The following ARFGEF2 variants were observed in gnomAD, a reference collection of about 807,000 sequenced individuals.
The protein encoded by ARFGEF2 is ARF guanine nucleotide exchange factor 2, also known as brefeldin A-inhibited guanine nucleotide-exchange protein 2.
In ARFGEF2, 74 loss-of-function variants were observed where a neutral mutation model predicts 219.9. That is an observed-to-expected ratio of 0.34 (90% confidence interval 0.28 to 0.41). The LOEUF (loss-of-function observed/expected upper bound fraction) is 0.41, where lower values mean the gene tolerates loss of function less well. Ranked by LOEUF, ARFGEF2 falls within the 10% of genes least tolerant of loss-of-function variation. ARFGEF2 has a pLI of 1.00. For synonymous variants in ARFGEF2, 733 were observed against 799.2 expected (o/e 0.92, Z 1.40); for missense variants, 1,743 against 2,218.3 (o/e 0.79, Z 4.30).
At chr20:48,952,195 G>A (rs377447108) in intron 4 of ARFGEF2, among the ~76,000 whole-genome samples, 7 of 113,280 alleles carry the variant, frequency 6.2e-5, no homozygotes, top group East Asian at 6.0e-4. Context: ...TTGCTCTGTC[G>A]CCTAGGCTGG....
chr20:48,966,728 A>G (rs958628333), intron 8 of ARFGEF2, among the ~76,000 whole-genome samples: 17 of 152,078 alleles, frequency 1.1e-4, no homozygotes, highest in African/African-American at 3.4e-4. Flanking sequence ...CTCCAAGAAA[A>G]CTTTGTAGAC....
chr20:49,035,923 A>G lies in ARFGEF2; in HGVS notation c.*2724A>G, dbSNP rs1034815811. The G allele has an allele frequency of 9.0e-5, 33 of 367,632 alleles. No individual in the cohort carries two copies. The highest frequency in any genetic ancestry group is 6.5e-4 in the African/African-American group (31 of 47,998). 22.8% of individuals were successfully genotyped at this position (367,632 alleles called of 1,614,324 possible). The stretch of plus-strand genomic sequence containing the variant: ...CCTCATGTACAACCAAAGAACATAC[A>G]TTATGAAAATTGTATTATAATATCT... On this transcript the variant is annotated 3_prime_UTR_variant, in exon 39 of 39. Transcript: ENST00000371917.
At chr20:49,028,766 T>G (rs2091617546) in intron 37 of ARFGEF2, 98 bp downstream of exon 37, 1 of 1,339,510 alleles carries the variant, frequency 7.5e-7, no homozygotes, top group Non-Finnish European at 1.0e-6. Context: ...AAATACATGC[T>G]GACACTCTGA....
intron 22 of ARFGEF2, 143 bp downstream of exon 22, chr20:48,994,741 G>A (rs990015944): frequency 8.9e-6 from 11 of 1,242,026 alleles, no homozygotes; most frequent in Middle Eastern, 2.6e-4. Context: ...AAGTGGACGT[G>A]CTGCTTTGGC....
intron 7 of ARFGEF2, among the ~76,000 whole-genome samples, chr20:48,964,273 C>T (rs745923426): frequency 5.9e-5 from 9 of 152,160 alleles, no homozygotes; most frequent in Admixed American, 1.3e-4. Flanking sequence ...GGCGTGGTGG[C>T]GCACGCCTGT....
At chr20:48,934,201 G>A (rs1568688965) in intron 1 of ARFGEF2, among the ~76,000 whole-genome samples, 1 of 146,824 alleles carries the variant, frequency 6.8e-6, no homozygotes, top group Non-Finnish European at 1.5e-5. Context: ...GCTAATAGAT[G>A]TCTGTGCCAG....
chr20:49,016,413 A>G lies in ARFGEF2; in HGVS notation c.4313A>G (p.Gln1438Arg). The G allele has an allele frequency of 6.2e-7, 1 of 1,612,314 alleles. No individual in the cohort carries two copies. Among genetic ancestry groups the G allele is most frequent in the Non-Finnish European group, 8.5e-7 (1 of 1,179,916 alleles). The change falls in exon 31 of 39, where the codon CAA (glutamine) becomes CGA (arginine). Residue 1438 changes from glutamine to arginine, a missense_variant and splice_region_variant. Physicochemically the swap from Gln to Arg is conservative, Grantham distance 43. Coordinates refer to ENST00000371917, the MANE Select transcript of ARFGEF2 (RefSeq NM_006420.3). ...GCACAATTGCAGTGGTGTGTCAAAC[A>G]AGGTACTCTTTAAGCCTCTAGGCAT... ...VFAQLQWCVK[Q>R]DNEQLARSGT...
At chr20:48,957,658 A>G (rs140989141) in intron 6 of ARFGEF2, among the ~76,000 whole-genome samples, 1 of 152,372 alleles carries the variant, frequency 6.6e-6, no homozygotes, top group East Asian at 1.9e-4. Context: ...GGTTATCACA[A>G]CATCCAGAAA....
chr20:49,027,271 G>C (rs2091609353), intron 36 of ARFGEF2, among the ~76,000 whole-genome samples: 1 of 151,950 alleles, frequency 6.6e-6, no homozygotes, highest in Non-Finnish European at 1.5e-5. Context: ...TTGACCTCAT[G>C]ATCCACCTGC....
intron 28 of ARFGEF2, among the ~76,000 whole-genome samples, chr20:49,012,722 G>A (rs909632039): frequency 1.3e-5 from 2 of 152,036 alleles, no homozygotes; most frequent in African/African-American, 4.8e-5. Context: ...GATGATAATG[G>A]GAGCCAATGT....
At chr20:49,019,216 A>G (rs1342729307) in intron 34 of ARFGEF2, among the ~76,000 whole-genome samples, 4 of 152,212 alleles carry the variant, frequency 2.6e-5, no homozygotes, top group Admixed American at 2.0e-4. Context: ...TCATATACAT[A>G]CATATATAGT....
chr20:48,942,583 C>G (rs2091000261), intron 3 of ARFGEF2, among the ~76,000 whole-genome samples: 1 of 141,034 alleles, frequency 7.1e-6, no homozygotes, highest in East Asian at 2.3e-4. Flanking sequence ...TTCTCGGGTT[C>G]AAGGGATTCT....
chr20:48,997,919 G>A lies in ARFGEF2; in HGVS notation c.3222-274G>A, dbSNP rs185683287. Reference sequence around the variant, plus strand: ...GTTGCCCAGGCTGGAGTGCAGTGGCGCAATCTCGGCTTACTGCAACTTCTG... The same window carrying A: ...GTTGCCCAGGCTGGAGTGCAGTGGCACAATCTCGGCTTACTGCAACTTCTG... On this transcript the variant is annotated intron_variant, in intron 23 of 38. Coordinates refer to ENST00000371917, the MANE Select transcript of ARFGEF2 (RefSeq NM_006420.3). 2.7e-3 allele frequency among the ~76,000 whole-genome samples: 406 copies of A among 152,186 alleles called. 3 individuals carry two copies. The highest frequency in any genetic ancestry group is 9.2e-3 in the African/African-American group (382 of 41,514).
Position 49,017,533 on chromosome 20 carries a change from T to G in ARFGEF2, c.4492T>G (p.Ser1498Ala). Reference sequence around the variant, plus strand: ...GAGACCTGTAGGAATGGAGGAAGATTCATCAGAAAAGCATTTGGTAGGATT... The same window carrying G: ...GAGACCTGTAGGAATGGAGGAAGATGCATCAGAAAAGCATTTGGTAGGATT... Reference protein sequence around the residue: ...TWRPVGMEEDSSEKHLDVDLD... With the variant: ...TWRPVGMEEDASEKHLDVDLD... The change falls in exon 33 of 39, where the codon TCA becomes GCA. Residue 1498 changes from serine (S) to alanine (A), a missense_variant. Physicochemically the swap from Ser to Ala is moderately conservative, Grantham distance 99. Transcript: ENST00000371917. The G allele has an allele frequency of 6.2e-7, 1 of 1,614,108 alleles. No homozygotes were observed. Among genetic ancestry groups the G allele is most frequent in the South Asian group, 1.1e-5 (1 of 91,048 alleles).
rs1002014910 is a variant in ARFGEF2 at position 49,033,379 on chromosome 20, T to G, written c.*180T>G. ...GTCTCCAACTAAGGCTTATGGTATT[T>G]CATTAAACTGTTGCATACCCAGTTA... On this transcript the variant is annotated 3_prime_UTR_variant, in exon 39 of 39. Transcript: ENST00000371917. The G allele has an allele frequency of 1.5e-6, 1 of 658,142 alleles. No homozygotes were observed. Among genetic ancestry groups the G allele is most frequent in the African/African-American group, 1.8e-5 (1 of 55,318 alleles). The allele number at this position is 658,142 out of a possible 1,614,324, so 40.8% of individuals were successfully genotyped here. A position where few individuals can be genotyped will look rare whatever the true frequency, so the allele number is the denominator to read the frequency against.
chr20:48,985,320 C>T, intron 15 of ARFGEF2, 88 bp from the exon 16 acceptor site: 1 of 1,403,844 alleles, frequency 7.1e-7, no homozygotes, highest in Admixed American at 1.7e-5. Context: ...TAGGGCCAGG[C>T]TATTCTGACT....
chr20:48,969,392 G>A (rs2091211171), intron 9 of ARFGEF2, 115 bp downstream of exon 9: 3 of 1,588,994 alleles, frequency 1.9e-6, no homozygotes, highest in Admixed American at 3.4e-5. Flanking sequence ...CTTTGTCAGT[G>A]TAAGTGCAGG....
intron 4 of ARFGEF2, among the ~76,000 whole-genome samples, chr20:48,952,061 C>G (rs765587725): frequency 2.0e-5 from 3 of 151,182 alleles, no homozygotes; most frequent in Non-Finnish European, 4.4e-5. Flanking sequence ...TGGGTGAGAT[C>G]ACGTTGGAGT....
chr20:49,006,582 G>A (rs1225806184), intron 26 of ARFGEF2, among the ~76,000 whole-genome samples: 1 of 152,220 alleles, frequency 6.6e-6, no homozygotes, highest in East Asian at 1.9e-4. Flanking sequence ...GCTAACATGT[G>A]TTTGGTAAGG....
Sources: allele counts gnomAD v4.1 joint callset (sites outside exome capture counted in the v4.1 genomes callset), GRCh38; gene constraint gnomAD v4.1.1; transcripts MANE v1.5; gene names NCBI Gene and HGNC (gene_info 2026-07-23, HGNC 2026-07-21).